The following SPAG16 variants were observed in gnomAD, a reference collection of about 807,000 sequenced individuals.
SPAG16 encodes sperm-associated antigen 16 protein.
SPAG16 carries 86 observed loss-of-function variants against 80.4 expected under a neutral mutation model. That is an observed-to-expected ratio of 1.07 (90% CI 0.90 to 1.28). The LOEUF is 1.28. SPAG16 is among the 50% of genes most tolerant of loss of function. The pLI is 0.00. For missense variants in SPAG16, 870 were observed against 765.3 expected (o/e 1.14, Z -1.61); for synonymous variants, 294 against 265.9 (o/e 1.11, Z -1.03).
chr2:214,207,952 G>A lies in SPAG16; in HGVS notation c.1720+58686G>A, dbSNP rs554534757. 1.2e-4 allele frequency among the ~76,000 whole-genome samples: 18 copies of A among 152,248 alleles called. No individual in the cohort carries two copies. The South Asian group carries it at 3.3e-3, about 28-fold the overall frequency. ...GTTTGCCAGAGGCTCTCAGGCCTTC[G>A]GCCACACACGGAAGTCTGCACTGTC... On this transcript the variant is annotated intron_variant, in intron 15 of 15. Coordinates refer to ENST00000331683, the MANE Select transcript of SPAG16 (RefSeq NM_024532.5).
At chr2:213,921,983 T>C (rs984495938) in intron 11 of SPAG16, among the ~76,000 whole-genome samples, 1 of 152,222 alleles carries the variant, frequency 6.6e-6, no homozygotes, top group African/African-American at 2.4e-5. Flanking sequence ...CCTTGGAGAA[T>C]CTGATGATTA....
chr2:213,777,649 C>T (rs1190329048), intron 10 of SPAG16, among the ~76,000 whole-genome samples: 1 of 151,992 alleles, frequency 6.6e-6, no homozygotes, highest in Non-Finnish European at 1.5e-5. Flanking sequence ...CCTTGTGATC[C>T]GCCCGCCTCG....
chr2:213,342,352 A>ATATATATTACATATATATG (rs2064741793), intron 6 of SPAG16, among the ~76,000 whole-genome samples: 5 of 57,018 alleles, frequency 8.8e-5, no homozygotes, highest in Admixed American at 6.7e-4. Flanking sequence ...ACATATATGT[A>ATATATATTACATATATATG]TATATATATT....
chr2:214,186,916 T>A (rs2057497378), intron 15 of SPAG16, among the ~76,000 whole-genome samples: 1 of 152,084 alleles, frequency 6.6e-6, no homozygotes, highest in Non-Finnish European at 1.5e-5. Context: ...TGTGCCACCA[T>A]GCGAGGCTAA....
chr2:213,486,597 AT>A (rs2073986415), intron 9 of SPAG16, among the ~76,000 whole-genome samples: 1 of 152,108 alleles, frequency 6.6e-6, no homozygotes, highest in Non-Finnish European at 1.5e-5. Flanking sequence ...ATTTTTTAAA[AT>A]GTAAGACTAT....
chr2:214,031,830 G>C (rs1004187920), intron 13 of SPAG16, among the ~76,000 whole-genome samples: 3 of 151,958 alleles, frequency 2.0e-5, no homozygotes, highest in African/African-American at 7.3e-5. Context: ...GAGAACCAAG[G>C]GGGGAAGTGC....
intron 13 of SPAG16, among the ~76,000 whole-genome samples, chr2:214,046,845 A>T (rs2049352065): frequency 6.6e-6 from 1 of 152,128 alleles, no homozygotes. Context: ...GTAATGTTCC[A>T]GGATAAAAAA....
intron 11 of SPAG16, among the ~76,000 whole-genome samples, chr2:213,884,169 T>A (rs1008671822): frequency 1.3e-5 from 2 of 152,146 alleles, no homozygotes; most frequent in Admixed American, 1.3e-4. Context: ...CACATTTAGC[T>A]TTCCCTTAAG....
intron 15 of SPAG16, among the ~76,000 whole-genome samples, chr2:214,183,202 T>A (rs1452430440): frequency 6.6e-6 from 1 of 152,038 alleles, no homozygotes; most frequent in Non-Finnish European, 1.5e-5. Context: ...TATTTGTGGT[T>A]ATCTGAACTC....
intron 15 of SPAG16, among the ~76,000 whole-genome samples, chr2:214,151,696 C>T (rs914991789): frequency 6.6e-6 from 1 of 151,924 alleles, no homozygotes; most frequent in Admixed American, 6.6e-5. Flanking sequence ...AGTCAAAACT[C>T]TGTGACAGAA....
intron 15 of SPAG16, among the ~76,000 whole-genome samples, chr2:214,159,026 G>A (rs2056333354): frequency 6.6e-6 from 1 of 151,946 alleles, no homozygotes; most frequent in Non-Finnish European, 1.5e-5. Context: ...TGGCAAGTAT[G>A]AGAAATTAGT....
At chr2:214,128,968 C>T (rs2054624689) in intron 14 of SPAG16, among the ~76,000 whole-genome samples, 1 of 151,774 alleles carries the variant, frequency 6.6e-6, no homozygotes, top group African/African-American at 2.4e-5. Flanking sequence ...GACCTCAAAT[C>T]TTGAAATTTT....
Position 213,929,969 on chromosome 2 carries a change from A to G in SPAG16, c.1224A>G (p.Lys408=). 1 of 1,601,596 alleles carries G rather than the reference A, an allele frequency of 6.2e-7. No homozygotes were observed. The highest frequency in any genetic ancestry group is 8.5e-7 in the Non-Finnish European group (1 of 1,175,600). ...SDCCFHPSGD[K]LATSSGDTTV... ...ATGTTTTTGCAAATAGTGGCGACAA[A>G]TTGGCTACTTCAAGTGGTGACACTA... The change falls in exon 12 of 16, where the codon AAA becomes AAG. Residue 408 remains lysine, a synonymous_variant. Transcript: ENST00000331683.
intron 10 of SPAG16, among the ~76,000 whole-genome samples, chr2:213,742,938 CTGT>C (rs1384066523): frequency 1.3e-5 from 2 of 150,572 alleles, no homozygotes; most frequent in African/African-American, 2.5e-5. Flanking sequence ...GAGTCTCGCT[CTGT>C]CGCCCAGGCT....
intron 12 of SPAG16, among the ~76,000 whole-genome samples, chr2:214,007,598 A>C (rs1195547482): frequency 6.6e-6 from 1 of 152,162 alleles, no homozygotes; most frequent in African/African-American, 2.4e-5. Flanking sequence ...TATCTAAAAA[A>C]TGTTTTATTC....
intron 15 of SPAG16, among the ~76,000 whole-genome samples, chr2:214,182,482 TG>T (rs2057339029): frequency 6.6e-6 from 1 of 151,892 alleles, no homozygotes. Context: ...TTGTTTCTTC[TG>T]TCCAATATAA....
intron 10 of SPAG16, among the ~76,000 whole-genome samples, chr2:213,519,249 CT>C (rs2075566854): frequency 1.3e-5 from 2 of 152,312 alleles, no homozygotes; most frequent in East Asian, 3.9e-4. Flanking sequence ...GATTCATACC[CT>C]TACTTTTAAA....
At chr2:214,191,527 A>G (rs757450914) in intron 15 of SPAG16, among the ~76,000 whole-genome samples, 1 of 151,836 alleles carries the variant, frequency 6.6e-6, no homozygotes, top group East Asian at 1.9e-4. Context: ...AGCTTGACCA[A>G]TGTAGGGAAA....
Position 213,307,356 on chromosome 2 carries a change from TC to T in SPAG16, c.280-2697del, listed in dbSNP as rs1242572085. Among the ~76,000 whole-genome samples, 347 of 83,470 alleles carry T rather than the reference TC, an allele frequency of 4.2e-3. 2 individuals carry two copies. Among genetic ancestry groups the T allele is most frequent in the African/African-American group, 0.015 (303 of 20,718 alleles). The allele number at this position is 83,470 out of a possible 152,430, so 54.8% of individuals were successfully genotyped here. A position where few individuals can be genotyped will look rare whatever the true frequency, so the allele number is the denominator to read the frequency against. Reference sequence around the variant, plus strand: ...ATCTCCCAATGCTATCCCTCCCCCCTCCCCCCACCCCACAACAGTCCCCAGA... The same window carrying T: ...ATCTCCCAATGCTATCCCTCCCCCCTCCCCCACCCCACAACAGTCCCCAGA... On this transcript the variant is annotated intron_variant, in intron 3 of 15. Transcript: ENST00000331683.
Sources: allele counts gnomAD v4.1 joint callset (sites outside exome capture counted in the v4.1 genomes callset), GRCh38; gene constraint gnomAD v4.1.1; transcripts MANE v1.5; gene names NCBI Gene and HGNC (gene_info 2026-07-23, HGNC 2026-07-21).